The following POFUT3 variants were observed in gnomAD, a reference collection of about 807,000 sequenced individuals.
POFUT3 encodes the protein GDP-fucose protein O-fucosyltransferase 3.
the POFUT3 span, among the ~76,000 whole-genome samples, chr8:33,439,436 G>A: frequency 1.3e-5 from 2 of 152,030 alleles, no homozygotes; most frequent in Admixed American, 1.3e-4. Context: ...TGGTTTCCAT[G>A]TTCCTGTTCT....
chr8:33,373,306 T>C, the POFUT3 span, among the ~76,000 whole-genome samples: 3,222 of 152,336 alleles, frequency 0.021, 106 homozygotes, highest in African/African-American at 0.074. Flanking sequence ...TCTCATTTGT[T>C]TGCTACTTTT....
the POFUT3 span, among the ~76,000 whole-genome samples, chr8:33,314,305 C>T: frequency 2.6e-5 from 4 of 152,152 alleles, no homozygotes; most frequent in Non-Finnish European, 5.9e-5. Context: ...GACAATTCAA[C>T]CACGTGGGAT....
the POFUT3 span, among the ~76,000 whole-genome samples, chr8:33,435,505 C>T: frequency 2.0e-5 from 3 of 148,990 alleles, no homozygotes; most frequent in Non-Finnish European, 3.0e-5. Context: ...CGTGAGCCAC[C>T]GCGCCCAGGC....
chr8:33,369,463 A>G, the POFUT3 span, among the ~76,000 whole-genome samples: 1 of 152,218 alleles, frequency 6.6e-6, no homozygotes, highest in Admixed American at 6.5e-5. Flanking sequence ...GAAATTTCCT[A>G]AAGAAAATTT....
the POFUT3 span, among the ~76,000 whole-genome samples, chr8:33,416,800 C>A: frequency 0.015 from 2,093 of 143,126 alleles, 54 homozygotes; most frequent in African/African-American, 0.051. Flanking sequence ...GAGCTGAGAT[C>A]GCACCACTGC....
chr8:33,331,966 C>T, the POFUT3 span, among the ~76,000 whole-genome samples: 6 of 151,368 alleles, frequency 4.0e-5, no homozygotes, highest in Non-Finnish European at 5.9e-5. Context: ...GGAGCCACCG[C>T]GCCCGGCCTC....
chr8:33,466,354 A>T, the POFUT3 span, among the ~76,000 whole-genome samples: 1 of 152,116 alleles, frequency 6.6e-6, no homozygotes, highest in South Asian at 2.1e-4. Context: ...ACCTGAGCCC[A>T]GGAGTTCAAG....
At chr8:33,395,698 C>T in the POFUT3 span, among the ~76,000 whole-genome samples, 102 of 152,214 alleles carry the variant, frequency 6.7e-4, 2 homozygotes, top group African/African-American at 2.0e-3. Flanking sequence ...CATCCACGGA[C>T]GACAAGTGCT....
At chr8:33,340,563 G>A in the POFUT3 span, among the ~76,000 whole-genome samples, 1 of 151,768 alleles carries the variant, frequency 6.6e-6, no homozygotes, top group African/African-American at 2.4e-5. Context: ...ACTGATATAG[G>A]TAAATAGGAT....
At chr8:33,380,100 CTATATATATACTATATATATACACTA>C in the POFUT3 span, among the ~76,000 whole-genome samples, 18 of 59,928 alleles carry the variant, frequency 3.0e-4, no homozygotes, top group Non-Finnish European at 3.8e-4. Flanking sequence ...TATATATACA[CTATATATATACTATATATATACACTA>C]TATATATATA....
chr8:33,406,801 G>A, the POFUT3 span, among the ~76,000 whole-genome samples: 1 of 152,064 alleles, frequency 6.6e-6, no homozygotes, highest in East Asian at 1.9e-4. Flanking sequence ...CTGGGTTCAA[G>A]CAATCCTCCC....
the POFUT3 span, chr8:33,455,648 C>A: frequency 3.0e-6 from 1 of 329,130 alleles, no homozygotes; most frequent in Non-Finnish European, 6.1e-6. Flanking sequence ...ACAAATACAG[C>A]GTTAAAGCAG....
the POFUT3 span, among the ~76,000 whole-genome samples, chr8:33,369,594 G>A: frequency 6.6e-6 from 1 of 152,094 alleles, no homozygotes; most frequent in Non-Finnish European, 1.5e-5. Context: ...TCTTTAGCAG[G>A]ACTTATGTCC....
the POFUT3 span, among the ~76,000 whole-genome samples, chr8:33,462,700 C>T: frequency 6.6e-6 from 1 of 152,204 alleles, no homozygotes; most frequent in South Asian, 2.1e-4. Context: ...GAGGCCAAGG[C>T]AGGAGGATGG....
chr8:33,430,700 G>A, the POFUT3 span, among the ~76,000 whole-genome samples: 1 of 152,164 alleles, frequency 6.6e-6, no homozygotes, highest in Non-Finnish European at 1.5e-5. Context: ...CTGGGTTCAA[G>A]CAATTCTCCT....
chr8:33,400,613 A>T, the POFUT3 span, among the ~76,000 whole-genome samples: 1 of 152,176 alleles, frequency 6.6e-6, no homozygotes, highest in Non-Finnish European at 1.5e-5. Flanking sequence ...TAGACTTTGT[A>T]TTTATAGTTA....
At chr8:33,392,554 G>A in the POFUT3 span, among the ~76,000 whole-genome samples, 4 of 152,084 alleles carry the variant, frequency 2.6e-5, no homozygotes, top group Non-Finnish European at 4.4e-5. Context: ...ACTTCAGCCT[G>A]GGTGACAGAG....
At chr8:33,443,090 G>A in the POFUT3 span, among the ~76,000 whole-genome samples, 1,658 of 152,212 alleles carry the variant, frequency 0.011, 31 homozygotes, top group African/African-American at 0.037. Flanking sequence ...TGCGGCCTAG[G>A]TGACAGAGCC....
the POFUT3 span, among the ~76,000 whole-genome samples, chr8:33,424,855 G>C: frequency 4.6e-5 from 7 of 152,138 alleles, no homozygotes; most frequent in Non-Finnish European, 7.3e-5. Flanking sequence ...TCTCATTTCA[G>C]GTTTCAGGAA....
Sources: allele counts gnomAD v4.1 joint callset (sites outside exome capture counted in the v4.1 genomes callset), GRCh38; gene constraint gnomAD v4.1.1; transcripts MANE v1.5; gene names NCBI Gene and HGNC (gene_info 2026-07-23, HGNC 2026-07-21).